The following PTPRD variants were observed in gnomAD, a reference collection of about 807,000 sequenced individuals.
PTPRD encodes the protein receptor-type tyrosine-protein phosphatase delta.
PTPRD carries 34 observed loss-of-function variants against 214.5 expected under a neutral mutation model. The ratio of observed to expected loss-of-function variants is 0.16; its 90% CI spans 0.12 to 0.21. PTPRD has a LOEUF of 0.21. PTPRD is among the 10% of genes least tolerant of loss of function. The probability of loss-of-function intolerance (pLI) is 1.00; values close to 1 mark genes in which losing one functional copy is unlikely to be tolerated. For synonymous variants in PTPRD, 1,128 were observed against 845.7 expected (o/e 1.33, Z -5.79); for missense variants, 2,545 against 2,398.7 (o/e 1.06, Z -1.27).
At chr9:8,371,780 G>A (rs2081600184) in intron 39 of PTPRD, among the ~76,000 whole-genome samples, 1 of 151,988 alleles carries the variant, frequency 6.6e-6, no homozygotes, top group South Asian at 2.1e-4. Flanking sequence ...ATGCATCAAG[G>A]TTGAACACCA....
At chr9:10,376,730 C>A (rs73644437) in intron 2 of PTPRD, among the ~76,000 whole-genome samples, 182 of 151,914 alleles carry the variant, frequency 1.2e-3, no homozygotes, top group African/African-American at 4.3e-3. Flanking sequence ...CCTCAAAGCA[C>A]ATGACTCTTT....
At chr9:10,376,146 G>A (rs530083035) in intron 2 of PTPRD, among the ~76,000 whole-genome samples, 1 of 151,944 alleles carries the variant, frequency 6.6e-6, no homozygotes, top group South Asian at 2.1e-4. Flanking sequence ...TTTGTAATTA[G>A]GTAAAGGTTA....
At chr9:8,915,903 G>A (rs2098782461) in intron 11 of PTPRD, among the ~76,000 whole-genome samples, 1 of 152,254 alleles carries the variant, frequency 6.6e-6, no homozygotes, top group South Asian at 2.1e-4. Context: ...CTGGGCATCC[G>A]GTGGCCCAGT....
intron 5 of PTPRD, among the ~76,000 whole-genome samples, chr9:9,924,267 C>G (rs994172221): frequency 6.6e-6 from 1 of 151,822 alleles, no homozygotes; most frequent in African/African-American, 2.4e-5. Context: ...GATAATAATA[C>G]AAGCATATTA....
At chr9:9,387,589 A>G (rs115717450) in intron 9 of PTPRD, among the ~76,000 whole-genome samples, 22 of 152,134 alleles carry the variant, frequency 1.4e-4, no homozygotes, top group African/African-American at 1.9e-4. Flanking sequence ...GAAATATCAC[A>G]TATCTTCTTT....
chr9:8,574,297 A>G (rs2091901369), intron 14 of PTPRD, among the ~76,000 whole-genome samples: 1 of 152,060 alleles, frequency 6.6e-6, no homozygotes, highest in African/African-American at 2.4e-5. Flanking sequence ...CTGTCTATCA[A>G]TAAATATTAT....
At chr9:8,625,175 A>G (rs569418511) in intron 14 of PTPRD, among the ~76,000 whole-genome samples, 3 of 152,008 alleles carry the variant, frequency 2.0e-5, no homozygotes, top group African/African-American at 7.2e-5. Flanking sequence ...GAAGCAAATT[A>G]AACAGGTCAT....
rs181189552 is a variant in PTPRD at position 9,525,112 on chromosome 9, A to C, written c.-237+49620T>G. ...GACCTCATGATCCACCCGCCTCAGC[A>C]TCCCAAAGTGCTGGGATTACAGGCG... On this transcript the variant is annotated intron_variant, in intron 8 of 45. Transcript: ENST00000381196. Among the ~76,000 whole-genome samples, 940 of 152,256 alleles carry C rather than the reference A, an allele frequency of 6.2e-3. 5 individuals are homozygous for C. Among genetic ancestry groups the C allele is most frequent in the Non-Finnish European group, 9.2e-3 (624 of 68,008 alleles).
intron 8 of PTPRD, among the ~76,000 whole-genome samples, chr9:9,467,213 C>CGTTTT (rs1295163512): frequency 1.1e-5 from 1 of 92,900 alleles, no homozygotes. Flanking sequence ...GTTCATTTAT[C>CGTTTT]TTTTTTTTTT....
At chr9:8,799,769 T>G (rs991754327) in intron 11 of PTPRD, among the ~76,000 whole-genome samples, 4 of 152,148 alleles carry the variant, frequency 2.6e-5, no homozygotes, top group Non-Finnish European at 5.9e-5. Context: ...CTGTCACTCT[T>G]ATTTACTCTA....
chr9:8,709,056 A>G (rs539786284), intron 12 of PTPRD, among the ~76,000 whole-genome samples: 2 of 152,090 alleles, frequency 1.3e-5, no homozygotes, highest in South Asian at 2.1e-4. Context: ...CTGATTTCAT[A>G]GAAGTAGAAA....
At chr9:10,307,268 T>C (rs1312680499) in intron 3 of PTPRD, among the ~76,000 whole-genome samples, 1 of 152,108 alleles carries the variant, frequency 6.6e-6, no homozygotes, top group Admixed American at 6.6e-5. Context: ...GTAACTATCA[T>C]GCTACCTCCA....
intron 10 of PTPRD, among the ~76,000 whole-genome samples, chr9:9,122,054 G>T (rs1591981710): frequency 6.6e-6 from 1 of 152,058 alleles, no homozygotes; most frequent in African/African-American, 2.4e-5. Context: ...ACCCATAAAA[G>T]GTACTAGCCA....
rs10977379 is a variant in PTPRD, at chr9:8,940,831, T to C, written c.-104+77866A>G. 2.9e-4 allele frequency among the ~76,000 whole-genome samples: 8 copies of C among 27,272 alleles called. 1 individual carries two copies. Among genetic ancestry groups the C allele is most frequent in the East Asian group, 5.4e-3 (1 of 184 alleles). The allele number at this position is 27,272 out of a possible 152,430, so 17.9% of individuals were successfully genotyped here. A position where few individuals can be genotyped will look rare whatever the true frequency, so the allele number is the denominator to read the frequency against. ...AACTACCATTGCAAAACATTAGTGA[T>C]GATGATGATGATGATGATGATGATG... On this transcript the variant is annotated intron_variant, in intron 11 of 45. Coordinates refer to ENST00000381196, the MANE Select transcript of PTPRD (RefSeq NM_002839.4).
chr9:8,329,470 A>C (rs1218810900), intron 44 of PTPRD, among the ~76,000 whole-genome samples: 1 of 152,056 alleles, frequency 6.6e-6, no homozygotes, highest in Non-Finnish European at 1.5e-5. Flanking sequence ...GTGAGGTGTC[A>C]CCCAGTCAGG....
intron 10 of PTPRD, among the ~76,000 whole-genome samples, chr9:9,079,148 A>G (rs2099755411): frequency 6.6e-6 from 1 of 152,034 alleles, no homozygotes; most frequent in Admixed American, 6.6e-5. Context: ...ACTATAACTT[A>G]TTCTTGCTAT....
intron 44 of PTPRD, among the ~76,000 whole-genome samples, chr9:8,326,543 G>T (rs887380507): frequency 6.6e-6 from 1 of 151,416 alleles, no homozygotes; most frequent in African/African-American, 2.4e-5. Context: ...TTTTTGTTGT[G>T]TCTCTGCCAG....
intron 5 of PTPRD, among the ~76,000 whole-genome samples, chr9:9,793,175 T>G (rs923829974): frequency 1.3e-5 from 2 of 152,064 alleles, no homozygotes; most frequent in African/African-American, 4.8e-5. Context: ...TTATTTTTAG[T>G]CTCCTATATT....
At chr9:10,240,410 C>A (rs1200529918) in intron 3 of PTPRD, among the ~76,000 whole-genome samples, 1 of 151,630 alleles carries the variant, frequency 6.6e-6, no homozygotes, top group Non-Finnish European at 1.5e-5. Flanking sequence ...AGGTCCAGGG[C>A]AGAAAGGTGA....
Sources: gnomAD v4.1 joint callset for allele counts (sites outside exome capture counted in the v4.1 genomes callset) on GRCh38, gnomAD v4.1.1 for gene constraint, MANE v1.5 for transcripts, NCBI Gene and HGNC (gene_info 2026-07-23, HGNC 2026-07-21) for gene names.